Variants in ARHGAP21 observed in about 807,000 individuals in gnomAD.
ARHGAP21 encodes rho GTPase-activating protein 21.
ARHGAP21 carries 38 observed loss-of-function variants against 164.6 expected under a neutral mutation model. That is an observed-to-expected ratio of 0.23 (90% CI 0.18 to 0.30). The LOEUF is 0.30. ARHGAP21 is among the 10% of genes least tolerant of loss of function. ARHGAP21 has a pLI of 1.00. For missense variants in ARHGAP21, 1,822 were observed against 2,370.7 expected, an observed-to-expected ratio of 0.77 and a Z score of 4.81; for synonymous variants, 766 against 857.9, an observed-to-expected ratio of 0.89 and a Z score of 1.87.
chr10:24,589,911 T>C (rs2076263139), intron 24 of ARHGAP21: 1 of 157,404 alleles, frequency 6.4e-6, no homozygotes, highest in African/African-American at 2.4e-5. Context: ...AGTTGAGGGA[T>C]CCTTTTGACT....
Position 24,595,692 on chromosome 10 carries a change from G to C in ARHGAP21, c.3712+25C>G, listed in dbSNP as rs1453867290. 7 of 1,589,274 alleles carry C rather than the reference G, an allele frequency of 4.4e-6. No individual in the cohort carries two copies. The South Asian group carries it at 6.7e-5, about 15-fold the overall frequency. ...ATTGTAACTTGAACCATTTCATCTG[G>C]TATCTTTCACGGGAGTTAACTCACC... On this transcript the variant is annotated intron_variant, in intron 19 of 25. Coordinates refer to ENST00000396432, the MANE Select transcript of ARHGAP21 (RefSeq NM_020824.4).
At chr10:24,597,025 G>C in intron 16 of ARHGAP21, 143 bp from the exon 17 acceptor site, 4 of 861,660 alleles carry the variant, frequency 4.6e-6, no homozygotes, top group East Asian at 3.1e-5. Flanking sequence ...ACAAAAATAT[G>C]TTCTCTTCCA....
rs147333645 is a variant in ARHGAP21 at position 24,651,088 on chromosome 10, T to C, written c.268+15897A>G. 4.3e-3 allele frequency among the ~76,000 whole-genome samples: 650 copies of C among 152,228 alleles called. 4 individuals are homozygous for C. Among genetic ancestry groups the C allele is most frequent in the African/African-American group, 0.014 (592 of 41,542 alleles). ...GGGATGAAAAGAAAAAGGCCAACCATGTCAAGCATGGAGGTGGGCTGTTCC... is the reference window on the plus strand; with the variant it reads ...GGGATGAAAAGAAAAAGGCCAACCACGTCAAGCATGGAGGTGGGCTGTTCC... On this transcript the variant is annotated intron_variant, in intron 4 of 25. Coordinates refer to ENST00000396432, the MANE Select transcript of ARHGAP21 (RefSeq NM_020824.4).
At chr10:24,616,571 C>A (rs191193164) in intron 9 of ARHGAP21, among the ~76,000 whole-genome samples, 24 of 152,328 alleles carry the variant, frequency 1.6e-4, no homozygotes, top group Admixed American at 1.5e-3. Context: ...CTCAACTGAG[C>A]ACACACGCAG....
At chr10:24,618,880 C>A (rs1161014443) in intron 9 of ARHGAP21, among the ~76,000 whole-genome samples, 1 of 152,110 alleles carries the variant, frequency 6.6e-6, no homozygotes, top group African/African-American at 2.4e-5. Context: ...ATCACACTGG[C>A]TGCTGTATGG....
rs899114253 is a variant in ARHGAP21 at position 24,647,930 on chromosome 10, T to G, written c.269-12827A>C. Among the ~76,000 whole-genome samples the G allele has an allele frequency of 2.0e-5, 3 of 152,190 alleles. No individual in the cohort carries two copies. The South Asian group carries it at 6.2e-4, about 31-fold the overall frequency. On this transcript the variant is annotated intron_variant, in intron 4 of 25. Transcript: ENST00000396432. Reference sequence around the variant, plus strand: ...TTGGCTCACTGCAACCTCTGCCTCTTGGGTTCAAGTGATTCTCCTGCCTCA... The same window carrying G: ...TTGGCTCACTGCAACCTCTGCCTCTGGGGTTCAAGTGATTCTCCTGCCTCA...
In ARHGAP21 at chr10:24,597,817, G is replaced by A; in HGVS notation, c.3197+128C>T. ...ACTATATGGGAAAAAATATAGCGTAGAGAGGATTTGGTACTATCTGCGGTT... is the reference window on the plus strand; with the variant it reads ...ACTATATGGGAAAAAATATAGCGTAAAGAGGATTTGGTACTATCTGCGGTT... On this transcript the variant is annotated intron_variant, in intron 15 of 25. Transcript: ENST00000396432. 4 of 1,135,076 alleles carry A rather than the reference G, an allele frequency of 3.5e-6. No individual in the cohort carries two copies. In the South Asian group the frequency reaches 6.0e-5, roughly 17 times the overall value. 70.3% of individuals were successfully genotyped at this position (1,135,076 alleles called of 1,614,324 possible).
At position 24,615,171 on chromosome 10, in the gene ARHGAP21, C is replaced by T. The variant is rs540050895; in HGVS notation, c.2422+4302G>A. Among the ~76,000 whole-genome samples, 21 of 152,138 alleles carry T rather than the reference C, an allele frequency of 1.4e-4. No homozygotes were observed. The South Asian group carries it at 2.5e-3, about 18-fold the overall frequency. ...TGTCATTGCACTCCAGTTTAGGCAA[C>T]GAAAGTGAAATTCCGTCTCAAAAAC... On this transcript the variant is annotated intron_variant, in intron 9 of 25. Coordinates refer to ENST00000396432, the MANE Select transcript of ARHGAP21 (RefSeq NM_020824.4).
At chr10:24,695,810 G>A (rs1843126494) in intron 2 of ARHGAP21, among the ~76,000 whole-genome samples, 2 of 152,036 alleles carry the variant, frequency 1.3e-5, no homozygotes, top group Admixed American at 6.5e-5. Context: ...CCAAGCACCT[G>A]CAGGGAGCTA....
rs1004409968 is a variant in ARHGAP21, at chr10:24,584,071, T to G, written c.*341A>C. The stretch of plus-strand genomic sequence containing the variant: ...CTAAAAACCAACTGTATTTTTATGA[T>G]GAGGCACTTTTGTTAGTGATGAAAC... On this transcript the variant is annotated 3_prime_UTR_variant, in exon 26 of 26. Coordinates refer to ENST00000396432, the MANE Select transcript of ARHGAP21 (RefSeq NM_020824.4). 3.2e-5 allele frequency: 5 copies of G among 154,148 alleles called. No individual in the cohort carries two copies. The highest frequency in any genetic ancestry group is 1.2e-4 in the African/African-American group (5 of 41,496). 9.5% of individuals were successfully genotyped at this position (154,148 alleles called of 1,614,324 possible). A position where few individuals can be genotyped will look rare whatever the true frequency, so the allele number is the denominator to read the frequency against.
chr10:24,587,620 T>G (rs569007065), intron 25 of ARHGAP21, among the ~76,000 whole-genome samples: 1 of 152,354 alleles, frequency 6.6e-6, no homozygotes, highest in East Asian at 1.9e-4. Context: ...CCCCACATTG[T>G]GCTGAAGACT....
chr10:24,590,140 C>T, intron 24 of ARHGAP21: 1 of 1,323,134 alleles, frequency 7.6e-7, no homozygotes, highest in Non-Finnish European at 9.7e-7. Context: ...TGAGCTGAGC[C>T]CCATGCCACG....
At chr10:24,657,227 C>T (rs1839124553) in intron 4 of ARHGAP21, among the ~76,000 whole-genome samples, 1 of 27,844 alleles carries the variant, frequency 3.6e-5, no homozygotes, top group East Asian at 9.8e-4. Context: ...CCCGGCCAGC[C>T]GCCCCGTCAG....
chr10:24,644,659 C>T (rs1329356569), intron 4 of ARHGAP21, among the ~76,000 whole-genome samples: 1 of 152,164 alleles, frequency 6.6e-6, no homozygotes, highest in African/African-American at 2.4e-5. Flanking sequence ...CCCCTTGCCC[C>T]ACTTAAAATT....
chr10:24,640,270 C>T (rs998536941), intron 4 of ARHGAP21: 5 of 150,884 alleles, frequency 3.3e-5, no homozygotes, highest in Non-Finnish European at 5.9e-5. Flanking sequence ...CTGGGAATAT[C>T]AGGTGCTATA....
intron 4 of ARHGAP21, among the ~76,000 whole-genome samples, chr10:24,652,420 T>A (rs1469784919): frequency 1.3e-5 from 2 of 151,896 alleles, no homozygotes; most frequent in African/African-American, 4.8e-5. Context: ...GACCATGGAG[T>A]AGAAAAAAAT....
intron 2 of ARHGAP21, among the ~76,000 whole-genome samples, chr10:24,715,029 C>CA (rs66519158): frequency 0.81 from 115,944 of 143,352 alleles, 46,664 homozygotes; most frequent in African/African-American, 0.87. Flanking sequence ...GAGTCCATCT[C>CA]AAAAAAAAAA....
intron 9 of ARHGAP21, among the ~76,000 whole-genome samples, chr10:24,611,084 C>T (rs1394713445): frequency 6.6e-6 from 1 of 152,174 alleles, no homozygotes; most frequent in Non-Finnish European, 1.5e-5. Flanking sequence ...AGTGTCTATG[C>T]TTGTCTATCC....
intron 2 of ARHGAP21, 97 bp from the exon 3 acceptor site, chr10:24,670,494 T>C (rs1840600833): frequency 2.8e-6 from 2 of 725,410 alleles, no homozygotes; most frequent in African/African-American, 1.8e-5. Context: ...TGAGCGCCGA[T>C]ATGAACTATT....
Sources: allele counts gnomAD v4.1 joint callset (sites outside exome capture counted in the v4.1 genomes callset), GRCh38; gene constraint gnomAD v4.1.1; transcripts MANE v1.5; gene names NCBI Gene and HGNC (gene_info 2026-07-23, HGNC 2026-07-21).